SLC9C1: variants seen among roughly 807,000 people sequenced by gnomAD.
SLC9C1 encodes the protein sodium/hydrogen exchanger 10.
A neutral mutation model predicts 140.9 loss-of-function variants in SLC9C1; 97 were observed. The ratio of observed to expected loss-of-function variants is 0.69; its 90% CI spans 0.58 to 0.82. SLC9C1 has a LOEUF of 0.82. Among genes scored for constraint, SLC9C1 ranks in the 40% least tolerant of loss-of-function variants. The pLI is 0.00. For missense variants in SLC9C1, 1,340 were observed against 1,389.3 expected (o/e 0.96, Z 0.56); for synonymous variants, 440 against 442.6 (o/e 0.99, Z 0.07).
intron 28 of SLC9C1, among the ~76,000 whole-genome samples, chr3:112,144,332 C>T (rs1008792932): frequency 1.3e-5 from 2 of 151,914 alleles, no homozygotes; most frequent in African/African-American, 4.8e-5. Context: ...TACCCACCAT[C>T]AAGCCCAGCT....
At chr3:112,161,099 C>A (rs1269305485) in intron 26 of SLC9C1, among the ~76,000 whole-genome samples, 2 of 152,082 alleles carry the variant, frequency 1.3e-5, no homozygotes, top group African/African-American at 4.8e-5. Context: ...TGTCCTTCAC[C>A]CACTTTTTGA....
chr3:112,179,141 G>A (rs753698733), intron 23 of SLC9C1, among the ~76,000 whole-genome samples: 2 of 152,102 alleles, frequency 1.3e-5, no homozygotes, highest in African/African-American at 4.8e-5. Context: ...TGAGGATTTT[G>A]TTCTCAATCA....
chr3:112,145,962 T>C (rs1311993268), intron 28 of SLC9C1, among the ~76,000 whole-genome samples: 1 of 152,176 alleles, frequency 6.6e-6, no homozygotes, highest in Non-Finnish European at 1.5e-5. Context: ...TCTGCCACGA[T>C]TGTGAGGCCT....
At chr3:112,291,919 A>G (rs1016113378) in intron 1 of SLC9C1, among the ~76,000 whole-genome samples, 4 of 152,254 alleles carry the variant, frequency 2.6e-5, no homozygotes, top group Admixed American at 2.0e-4. Flanking sequence ...CATATACACC[A>G]TGAAATACTA....
chr3:112,200,619 C>T, intron 19 of SLC9C1, 92 bp downstream of exon 19: 2 of 1,185,012 alleles, frequency 1.7e-6, no homozygotes, highest in Non-Finnish European at 2.4e-6. Context: ...AGTAGGTTTC[C>T]TCAAAGATTA....
At chr3:112,163,913 CTT>C in intron 26 of SLC9C1, among the ~76,000 whole-genome samples, 1 of 152,188 alleles carries the variant, frequency 6.6e-6, no homozygotes. Context: ...GTCTAAGTCT[CTT>C]TGTAGGTCAC....
At chr3:112,230,745 A>AG (rs1226526244) in intron 13 of SLC9C1, among the ~76,000 whole-genome samples, 1 of 152,172 alleles carries the variant, frequency 6.6e-6, no homozygotes, top group African/African-American at 2.4e-5. Context: ...ACACCCTAAG[A>AG]GGACAATTCA....
intron 10 of SLC9C1, among the ~76,000 whole-genome samples, chr3:112,255,612 A>G (rs2079583198): frequency 6.6e-6 from 1 of 152,124 alleles, no homozygotes; most frequent in Non-Finnish European, 1.5e-5. Flanking sequence ...ATATCATGAA[A>G]CGCCCAAATC....
At chr3:112,221,670 T>G (rs958582813) in intron 13 of SLC9C1, among the ~76,000 whole-genome samples, 3 of 152,078 alleles carry the variant, frequency 2.0e-5, no homozygotes, top group African/African-American at 4.8e-5. Context: ...AGGATTAAAA[T>G]GATTCTATCT....
At chr3:112,193,048 C>T (rs541498800) in intron 20 of SLC9C1, among the ~76,000 whole-genome samples, 2 of 152,208 alleles carry the variant, frequency 1.3e-5, no homozygotes, top group East Asian at 3.9e-4. Context: ...GGCTTTGGAT[C>T]TAGGTGGATG....
Position 112,169,211 on chromosome 3 carries a change from G to A in SLC9C1, c.3037C>T (p.His1013Tyr). ...GCACTTCCTACCTCATAAGATAAGTGTTCTCTGATTTTTCTGGCTGTAATA... is the reference window on the plus strand; with the variant it reads ...GCACTTCCTACCTCATAAGATAAGTATTCTCTGATTTTTCTGGCTGTAATA... The part of the protein sequence containing the change: ...LAITARKIRE[H>Y]LSYEDWNYNM... Residue 1013 changes from histidine (H) to tyrosine (Y), a missense_variant, in exon 24 of 29, where the codon CAC becomes TAC. His to Tyr is a moderately conservative substitution (Grantham distance 83). Transcript: ENST00000305815. The A allele has an allele frequency of 6.2e-7, 1 of 1,612,904 alleles. No homozygotes were observed. The highest frequency in any genetic ancestry group is 1.3e-5 in the African/African-American group (1 of 74,984).
At chr3:112,172,915 T>A (rs2077272292) in intron 23 of SLC9C1, among the ~76,000 whole-genome samples, 1 of 152,162 alleles carries the variant, frequency 6.6e-6, no homozygotes, top group South Asian at 2.1e-4. Flanking sequence ...TGATGTCTAA[T>A]CCTTTTAATA....
In SLC9C1 at chr3:112,168,929, A is replaced by G. The variant is rs754639667; in HGVS notation, c.3185T>C (p.Leu1062Pro). 1.0e-5 allele frequency: 16 copies of G among 1,605,760 alleles called. No homozygotes were observed. Among genetic ancestry groups the G allele is most frequent in the Non-Finnish European group, 1.4e-5 (16 of 1,177,816 alleles). Residue 1062 changes from leucine to proline, a missense_variant, in exon 25 of 29, where the codon CTG becomes CCG. Leu to Pro is a moderately conservative substitution (Grantham distance 98). Transcript: ENST00000305815. ...AGGTGCTCTATAAGTTTTTCGTAAC[A>G]GACAATCTTCTACAGCTCCATGTAT... ...ILIHGAVEDC[L>P]LRKTYRAPFL...
At chr3:112,212,622 TAAATG>T (rs1238909344) in intron 15 of SLC9C1, among the ~76,000 whole-genome samples, 2 of 151,986 alleles carry the variant, frequency 1.3e-5, no homozygotes, top group African/African-American at 2.4e-5. Context: ...GAAGATCAAA[TAAATG>T]AAATGAAGCA....
At chr3:112,183,349 C>CTTTTTTTTTT (rs200437815) in intron 20 of SLC9C1, among the ~76,000 whole-genome samples, 6,422 of 92,984 alleles carry the variant, frequency 0.069, 1,053 homozygotes, top group East Asian at 0.09. Flanking sequence ...AGCACCTTTT[C>CTTTTTTTTTT]TTTTTTTTTT....
chr3:112,176,999 CTCTCTCT>C (rs763735408), intron 23 of SLC9C1, among the ~76,000 whole-genome samples: 5,807 of 139,914 alleles, frequency 0.042, 113 homozygotes, highest in South Asian at 0.075. Context: ...CTCTCTCTCT[CTCTCTCT>C]TTTTTTTTTT....
At chr3:112,192,064 A>T (rs1394722671) in intron 20 of SLC9C1, among the ~76,000 whole-genome samples, 13 of 146,942 alleles carry the variant, frequency 8.8e-5, no homozygotes, top group African/African-American at 1.0e-4. Context: ...GTTTTTTTCC[A>T]TTTTTTTTTT....
chr3:112,156,299 A>G lies in SLC9C1; in HGVS notation c.3365-1250T>C, dbSNP rs1310881325. ...TATTTAGCTTAAGATAATGACCTCT[A>G]GTTTCAAACACATTGCAGCAAATGA... On this transcript the variant is annotated intron_variant, in intron 26 of 28. Coordinates refer to ENST00000305815, the MANE Select transcript of SLC9C1 (RefSeq NM_183061.3). Among the ~76,000 whole-genome samples, 5 of 152,148 alleles carry G rather than the reference A, an allele frequency of 3.3e-5. No individual in the cohort carries two copies. The East Asian group carries it at 7.7e-4, about 23-fold the overall frequency.
At position 112,202,348 on chromosome 3, in the gene SLC9C1, T is replaced by G; in HGVS notation, c.2224A>C (p.Lys742Gln). 6.2e-7 allele frequency: 1 copy of G among 1,609,018 alleles called. No homozygotes were observed. Among genetic ancestry groups the G allele is most frequent in the Non-Finnish European group, 8.5e-7 (1 of 1,177,702 alleles). ...TTTAGTATTCCATACCAAAAGGTCT[T>G]CTGATGACTCATTCTTTTATCTATT... The part of the protein sequence containing the change: ...QIIDKRMSHQ[K>Q]TFWYGILKGY... The change falls in exon 18 of 29, where the codon AAG becomes CAG. Residue 742 changes from lysine (K) to glutamine (Q), a missense_variant. Coordinates refer to ENST00000305815, the MANE Select transcript of SLC9C1 (RefSeq NM_183061.3).
Sources: gnomAD v4.1 joint callset for allele counts (sites outside exome capture counted in the v4.1 genomes callset) on GRCh38, gnomAD v4.1.1 for gene constraint, MANE v1.5 for transcripts, NCBI Gene and HGNC (gene_info 2026-07-23, HGNC 2026-07-21) for gene names.